FBXO31: variants seen among roughly 807,000 people sequenced by gnomAD.
FBXO31 encodes the protein F-box protein 31.
Under a neutral mutation model 54.4 loss-of-function variants are expected in FBXO31, and 24 were observed. That is an observed-to-expected ratio of 0.44 (90% CI 0.32 to 0.62). The LOEUF is 0.62. Among genes scored for constraint, FBXO31 ranks in the 20% least tolerant of loss-of-function variants. The probability of loss-of-function intolerance (pLI) is 0.05; values close to 1 mark genes in which losing one functional copy is unlikely to be tolerated. For synonymous variants in FBXO31, 388 were observed against 335.6 expected, an observed-to-expected ratio of 1.16 and a Z score of -1.71; for missense variants, 665 against 787.1, an observed-to-expected ratio of 0.84 and a Z score of 1.86.
At chr16:87,361,676 G>GTA (rs1906139622) in intron 1 of FBXO31, among the ~76,000 whole-genome samples, 1 of 152,206 alleles carries the variant, frequency 6.6e-6, no homozygotes, top group Non-Finnish European at 1.5e-5. Context: ...CTCGCGCAGA[G>GTA]GCCTCATCCC....
rs996132161 is a variant in FBXO31 at position 87,346,820 on chromosome 16, T to C, written c.489+354A>G. 1.3e-5 allele frequency among the ~76,000 whole-genome samples: 2 copies of C among 152,014 alleles called. No individual in the cohort carries two copies. The highest frequency in any genetic ancestry group is 2.4e-5 in the African/African-American group (1 of 41,458). On this transcript the variant is annotated intron_variant, in intron 3 of 8. Transcript: ENST00000311635. The surrounding 1 kb of genome is among the most constrained non-coding windows in gnomAD (Gnocchi z 4.2). ...GTCAGAGTGCACCATGGCTGGAACATGGGGGGCAAAGACCAGGAACGGAAG... is the reference window on the plus strand; with the variant it reads ...GTCAGAGTGCACCATGGCTGGAACACGGGGGGCAAAGACCAGGAACGGAAG...
chr16:87,359,160 C>T (rs147131339), intron 2 of FBXO31, among the ~76,000 whole-genome samples: 186 of 152,358 alleles, frequency 1.2e-3, no homozygotes, highest in African/African-American at 4.4e-3. Context: ...TAAACACTGT[C>T]GGAAACAGAT....
At chr16:87,370,834 G>A (rs1372056599) in intron 1 of FBXO31, among the ~76,000 whole-genome samples, 1 of 152,202 alleles carries the variant, frequency 6.6e-6, no homozygotes, top group East Asian at 1.9e-4. Flanking sequence ...GAAAGACTGC[G>A]TTTGTACTTG....
In FBXO31 at chr16:87,365,010, AATATATATATATATATATAT is replaced by A. The variant is rs55746745; in HGVS notation, c.341-4664_341-4645del. Among the ~76,000 whole-genome samples the A allele has an allele frequency of 4.0e-4, 19 of 47,682 alleles. 3 individuals carry two copies. The highest frequency in any genetic ancestry group is 3.3e-3 in the Admixed American group (12 of 3,656). 31.3% of individuals were successfully genotyped at this position (47,682 alleles called of 152,430 possible). On this transcript the variant is annotated intron_variant, in intron 1 of 8. Transcript: ENST00000311635. ...TGACAGAGCGAGACCCCGTCTCTTA[AATATATATATATATATATAT>A]ATATATATATCAGGCAGGCCACCCA... is the stretch of plus-strand genomic sequence containing the variant.
chr16:87,363,501 C>G (rs1906226972), intron 1 of FBXO31, among the ~76,000 whole-genome samples: 1 of 152,196 alleles, frequency 6.6e-6, no homozygotes, highest in Admixed American at 6.5e-5. Flanking sequence ...GGACCAAGGA[C>G]TGGTAAGAAT....
upstream of FBXO31, chr16:87,383,912 G>A (rs1025586855): frequency 4.4e-5 from 17 of 384,386 alleles, no homozygotes; most frequent in Non-Finnish European, 6.4e-5. The surrounding 1 kb of genome is among the most constrained non-coding windows in gnomAD (Gnocchi z 4.9). Flanking sequence ...CTCCCCGCGG[G>A]GCGGCGACCT....
chr16:87,374,855 C>G (rs772729541), intron 1 of FBXO31, among the ~76,000 whole-genome samples: 1 of 152,128 alleles, frequency 6.6e-6, no homozygotes, highest in Non-Finnish European at 1.5e-5. Flanking sequence ...CAAAGCATAT[C>G]AGCTTTAGGC....
intron 1 of FBXO31, chr16:87,367,645 C>G (rs1216581416): frequency 6.6e-6 from 1 of 152,250 alleles, no homozygotes; most frequent in East Asian, 1.9e-4. Context: ...CCAGATGCCA[C>G]CAGTGCACAT....
chr16:87,383,905 C>A (rs1907217001), upstream of FBXO31: 2 of 436,518 alleles, frequency 4.6e-6, no homozygotes, highest in Admixed American at 5.3e-5. This position sits in a 1 kb window ranked among gnomAD's most constrained non-coding sequence, Gnocchi z 4.9. Flanking sequence ...CCACCCCCTC[C>A]CCGCGGGGCG....
intron 2 of FBXO31, among the ~76,000 whole-genome samples, chr16:87,349,607 A>C (rs1905551522): frequency 6.6e-6 from 1 of 151,820 alleles, no homozygotes; most frequent in South Asian, 2.1e-4. Context: ...GCTACTCGGG[A>C]GGCTGAGGCA....
Position 87,383,649 on chromosome 16 carries a change from G to A in FBXO31, c.96C>T (p.Asp32=). The A allele has an allele frequency of 7.4e-7, 1 of 1,346,742 alleles. No homozygotes were observed. The highest frequency in any genetic ancestry group is 9.5e-7 in the Non-Finnish European group (1 of 1,052,862). The allele number at this position is 1,346,742 out of a possible 1,614,324, so 83.4% of individuals were successfully genotyped here. Residue 32 remains aspartate, a synonymous_variant, in exon 1 of 9, where the codon GAC becomes GAT. Coordinates refer to ENST00000311635, the MANE Select transcript of FBXO31 (RefSeq NM_024735.5). The surrounding 1 kb of genome is among the most constrained non-coding windows in gnomAD (Gnocchi z 4.9). The part of the protein sequence containing the change: ...RRGPAETAAA[D]SEPDTDPEEE... ...CCTCGGGGTCTGTGTCCGGCTCGCT[G>A]TCGGCCGCCGCCGTCTCGGCCGGGC... is the stretch of plus-strand genomic sequence containing the variant.
Position 87,338,317 on chromosome 16 carries a change from A to G in FBXO31, c.733-2053T>C, listed in dbSNP as rs1352252631. Among the ~76,000 whole-genome samples the G allele has an allele frequency of 6.6e-6, 1 of 151,812 alleles. No homozygotes were observed. Among genetic ancestry groups the G allele is most frequent in the African/African-American group, 2.4e-5 (1 of 41,348 alleles). On this transcript the variant is annotated intron_variant, in intron 5 of 8. Transcript: ENST00000311635. This position sits in a 1 kb window ranked among gnomAD's most constrained non-coding sequence, Gnocchi z 4.3. Reference sequence around the variant, plus strand: ...GACCCAGGGCCTGCTCACTCAACACATTGTACTCGCGACCCTCGTGGCAGC... The same window carrying G: ...GACCCAGGGCCTGCTCACTCAACACGTTGTACTCGCGACCCTCGTGGCAGC...
rs1906002442 is a variant in FBXO31, at chr16:87,358,647, T to A, written c.412+1648A>T. ...CACCCAGGACACAGAGAGGTGGCTC[T>A]GAGAAACCTGCTGGAGAGAACAACA... is the stretch of plus-strand genomic sequence containing the variant. On this transcript the variant is annotated intron_variant, in intron 2 of 8. Coordinates refer to ENST00000311635, the MANE Select transcript of FBXO31 (RefSeq NM_024735.5). The surrounding 1 kb of genome is among the most constrained non-coding windows in gnomAD (Gnocchi z 4.0). 6.6e-6 allele frequency: 1 copy of A among 152,344 alleles called. No individual in the cohort carries two copies. Among genetic ancestry groups the A allele is most frequent in the African/African-American group, 2.4e-5 (1 of 41,454 alleles). The allele number at this position is 152,344 out of a possible 1,614,324, so 9.4% of individuals were successfully genotyped here. A position where few individuals can be genotyped will look rare whatever the true frequency, so the allele number is the denominator to read the frequency against.
At chr16:87,351,482 G>C (rs1339000878) in intron 2 of FBXO31, among the ~76,000 whole-genome samples, 2 of 152,140 alleles carry the variant, frequency 1.3e-5, no homozygotes, top group Non-Finnish European at 2.9e-5. Flanking sequence ...CTCAGTCAAG[G>C]GCAGCAGATG....
At position 87,328,514 on chromosome 16, in the gene FBXO31, C is replaced by CG. The variant is rs1459842030; in HGVS notation, c.*2773dup. On this transcript the variant is annotated 3_prime_UTR_variant, in exon 9 of 9. Transcript: ENST00000311635. ...ACTCAGCAGTGGACACTTGAGGTCA[C>CG]GGCCCAGGTGGGCTGAGGGACCCCA... 6.6e-6 allele frequency: 1 copy of CG among 152,278 alleles called. No homozygotes were observed. The highest frequency in any genetic ancestry group is 1.5e-5 in the Non-Finnish European group (1 of 68,074). 9.4% of individuals were successfully genotyped at this position (152,278 alleles called of 1,614,324 possible).
At chr16:87,360,399 T>C in intron 1 of FBXO31, 33 bp from the exon 2 acceptor site, 1 of 1,601,702 alleles carries the variant, frequency 6.2e-7, no homozygotes, top group Non-Finnish European at 8.5e-7. Context: ...AAATTTAAGA[T>C]CAACAACTCA....
At chr16:87,352,910 C>T (rs1175365465) in intron 2 of FBXO31, among the ~76,000 whole-genome samples, 1 of 152,324 alleles carries the variant, frequency 6.6e-6, no homozygotes, top group South Asian at 2.1e-4. Flanking sequence ...GGTGCACACC[C>T]ATCCTGACTC....
At chr16:87,361,186 T>C (rs1011138616) in intron 1 of FBXO31, among the ~76,000 whole-genome samples, 5 of 152,232 alleles carry the variant, frequency 3.3e-5, no homozygotes, top group Admixed American at 1.3e-4. Flanking sequence ...CTGTGTACCA[T>C]GCCAAGCCAT....
chr16:87,341,357 T>C (rs1905187457), intron 5 of FBXO31, among the ~76,000 whole-genome samples: 1 of 152,162 alleles, frequency 6.6e-6, no homozygotes, highest in South Asian at 2.1e-4. Flanking sequence ...CATTTTTCAC[T>C]TAAATGTGAA....
Sources: gnomAD v4.1 joint callset for allele counts (sites outside exome capture counted in the v4.1 genomes callset) on GRCh38, gnomAD v4.1.1 for gene constraint, Gnocchi (gnomAD v3.1) non-coding constraint, MANE v1.5 for transcripts, NCBI Gene and HGNC (gene_info 2026-07-23, HGNC 2026-07-21) for gene names.